SLC24A2: variants seen among roughly 807,000 people sequenced by gnomAD.
SLC24A2 encodes sodium/potassium/calcium exchanger 2.
A neutral mutation model predicts 62.0 loss-of-function variants in SLC24A2; 36 were observed. The ratio of observed to expected loss-of-function variants is 0.58; its 90% CI spans 0.44 to 0.77. The LOEUF (loss-of-function observed/expected upper bound fraction) is 0.77, where lower values mean the gene tolerates loss of function less well. Ranked by LOEUF, SLC24A2 falls within the 30% of genes least tolerant of loss-of-function variation. SLC24A2 has a pLI of 0.00. For missense variants in SLC24A2, 846 were observed against 817.9 expected, an observed-to-expected ratio of 1.03 and a Z score of -0.42; for synonymous variants, 358 against 294.0, an observed-to-expected ratio of 1.22 and a Z score of -2.23.
the SLC24A2 span, among the ~76,000 whole-genome samples, chr9:19,844,959 CT>C: frequency 1.8e-3 from 254 of 144,964 alleles, 3 homozygotes; most frequent in African/African-American, 5.1e-3. Context: ...ATGCCTCTGG[CT>C]TTTTTTTTTT....
At chr9:19,991,255 G>GT in the SLC24A2 span, among the ~76,000 whole-genome samples, 1 of 152,070 alleles carries the variant, frequency 6.6e-6, no homozygotes, top group African/African-American at 2.4e-5. Context: ...AGCCACTGGT[G>GT]TAAGTCCAAG....
At chr9:20,066,546 T>C in the SLC24A2 span, among the ~76,000 whole-genome samples, 2 of 152,246 alleles carry the variant, frequency 1.3e-5, no homozygotes, top group African/African-American at 4.8e-5. Flanking sequence ...TATTCCACTT[T>C]TTAAGGACCT....
In SLC24A2 at chr9:19,573,344, G is replaced by A. The variant is rs1279897080; in HGVS notation, c.1347+7C>T. ...CAGCCCAGAAGAGCAATGGAGAAAA[G>A]CCATACCTGGGCTTCTGCACCTTCA... is the stretch of plus-strand genomic sequence containing the variant. On this transcript the variant is annotated splice_region_variant and intron_variant, in intron 7 of 10. Coordinates refer to ENST00000341998, the MANE Select transcript of SLC24A2 (RefSeq NM_020344.4). 6.4e-7 allele frequency: 1 copy of A among 1,571,042 alleles called. No homozygotes were observed. Among genetic ancestry groups the A allele is most frequent in the Admixed American group, 1.7e-5 (1 of 59,970 alleles).
the SLC24A2 span, among the ~76,000 whole-genome samples, chr9:20,233,575 C>G: frequency 6.6e-6 from 1 of 152,080 alleles, no homozygotes; most frequent in Non-Finnish European, 1.5e-5. Flanking sequence ...TTTCCGTTTG[C>G]TTGGTGGATC....
chr9:20,242,648 C>A, the SLC24A2 span, among the ~76,000 whole-genome samples: 2 of 152,214 alleles, frequency 1.3e-5, no homozygotes, highest in African/African-American at 4.8e-5. Flanking sequence ...CTCACCAGCT[C>A]TGACTCCGGG....
the SLC24A2 span, among the ~76,000 whole-genome samples, chr9:19,829,787 G>T: frequency 4.4e-5 from 1 of 22,548 alleles, no homozygotes; most frequent in Non-Finnish European, 2.2e-4. Context: ...GTGTGTGTGT[G>T]TGTGTGTGTG....
intron 10 of SLC24A2, among the ~76,000 whole-genome samples, chr9:19,518,303 GCATA>G (rs1369366524): frequency 1.3e-5 from 2 of 152,044 alleles, no homozygotes; most frequent in Non-Finnish European, 2.9e-5. Flanking sequence ...GATGAAAGAT[GCATA>G]CATACACACA....
chr9:19,550,706 C>CTTTT (rs10630327), intron 7 of SLC24A2, among the ~76,000 whole-genome samples: 45 of 145,126 alleles, frequency 3.1e-4, no homozygotes, highest in African/African-American at 7.1e-4. Context: ...TTCTTTTTCT[C>CTTTT]TTTTTTTTTT....
chr9:20,115,557 C>G, the SLC24A2 span, among the ~76,000 whole-genome samples: 5 of 152,216 alleles, frequency 3.3e-5, no homozygotes, highest in African/African-American at 1.2e-4. Flanking sequence ...CCAACAATGC[C>G]TGTACAATGA....
chr9:20,017,280 C>T, the SLC24A2 span, among the ~76,000 whole-genome samples: 2 of 152,172 alleles, frequency 1.3e-5, no homozygotes, highest in Non-Finnish European at 2.9e-5. Context: ...GCCTCAGCCT[C>T]CCAAAGTGCT....
the SLC24A2 span, among the ~76,000 whole-genome samples, chr9:20,290,893 T>G: frequency 6.6e-6 from 1 of 152,116 alleles, no homozygotes; most frequent in African/African-American, 2.4e-5. Context: ...GACAGCTGAT[T>G]TCAAGAGGAC....
At chr9:20,243,601 T>C in the SLC24A2 span, among the ~76,000 whole-genome samples, 1 of 152,202 alleles carries the variant, frequency 6.6e-6, no homozygotes, top group Non-Finnish European at 1.5e-5. Flanking sequence ...CACACTTACA[T>C]GTACACACAC....
At chr9:20,190,469 T>C in the SLC24A2 span, among the ~76,000 whole-genome samples, 3 of 152,212 alleles carry the variant, frequency 2.0e-5, no homozygotes, top group Non-Finnish European at 4.4e-5. Flanking sequence ...TAAGAAGCGA[T>C]GTAATAAGGG....
chr9:20,266,161 C>T, the SLC24A2 span, among the ~76,000 whole-genome samples: 5 of 152,166 alleles, frequency 3.3e-5, no homozygotes, highest in Admixed American at 1.3e-4. Flanking sequence ...CCTTGTAAAG[C>T]ATGTGATCTC....
At chr9:19,881,238 G>C in the SLC24A2 span, among the ~76,000 whole-genome samples, 1 of 152,132 alleles carries the variant, frequency 6.6e-6, no homozygotes, top group Non-Finnish European at 1.5e-5. Flanking sequence ...CCAATATTTA[G>C]ATTGTAGGAG....
chr9:19,907,408 A>G, the SLC24A2 span, among the ~76,000 whole-genome samples: 2 of 152,196 alleles, frequency 1.3e-5, no homozygotes, highest in South Asian at 4.1e-4. Flanking sequence ...TCCCTTTGAA[A>G]ACTGGCACAA....
At chr9:20,216,674 T>A in the SLC24A2 span, among the ~76,000 whole-genome samples, 337 of 152,328 alleles carry the variant, frequency 2.2e-3, 4 homozygotes, top group African/African-American at 7.7e-3. Context: ...GGACAGATAC[T>A]ATCACTCTGT....
chr9:20,218,567 A>C, the SLC24A2 span, among the ~76,000 whole-genome samples: 2 of 152,148 alleles, frequency 1.3e-5, no homozygotes, highest in African/African-American at 4.8e-5. Flanking sequence ...GAATTTTATG[A>C]ATGAGAAATT....
chr9:19,626,945 T>C (rs902662651), intron 2 of SLC24A2, among the ~76,000 whole-genome samples: 2 of 152,204 alleles, frequency 1.3e-5, no homozygotes, highest in Non-Finnish European at 2.9e-5. Context: ...CTTAGTCAGA[T>C]GGAAACTCAT....
Sources: allele counts gnomAD v4.1 joint callset (sites outside exome capture counted in the v4.1 genomes callset), GRCh38; gene constraint gnomAD v4.1.1; transcripts MANE v1.5; gene names NCBI Gene and HGNC (gene_info 2026-07-23, HGNC 2026-07-21).